FOXP2: variants seen among roughly 807,000 people sequenced by gnomAD.
FOXP2 encodes forkhead box P2, also known as forkhead box protein P2.
FOXP2 carries 12 observed loss-of-function variants against 115.8 expected under a neutral mutation model. The observed-to-expected ratio is 0.10, with a 90% CI of 0.07 to 0.17. The LOEUF is 0.17. Ranked by LOEUF, FOXP2 falls within the 10% of genes least tolerant of loss-of-function variation. The pLI, the probability that FOXP2 is intolerant of heterozygous loss-of-function variation, is 1.00. For missense variants in FOXP2, 629 were observed against 843.5 expected (o/e 0.75, Z 3.15); for synonymous variants, 328 against 297.7 (o/e 1.10, Z -1.05).
intron 2 of FOXP2, among the ~76,000 whole-genome samples, chr7:114,395,975 A>C (rs1435603951): frequency 1.3e-5 from 2 of 152,086 alleles, no homozygotes; most frequent in East Asian, 3.8e-4. Flanking sequence ...TAAATGGTAT[A>C]TCCATCAACT....
chr7:114,245,814 A>G (rs1033259505), intron 1 of FOXP2, among the ~76,000 whole-genome samples: 2 of 151,936 alleles, frequency 1.3e-5, no homozygotes, highest in African/African-American at 4.9e-5. Flanking sequence ...TTCAATTAAA[A>G]AGAACAGAAA....
intron 3 of FOXP2, among the ~76,000 whole-genome samples, chr7:114,540,247 C>T (rs1584870572): frequency 6.6e-6 from 1 of 152,042 alleles, no homozygotes; most frequent in African/African-American, 2.4e-5. Flanking sequence ...CACATATACA[C>T]TTCACACTCT....
At chr7:114,215,096 A>C (rs933602568) in intron 1 of FOXP2, among the ~76,000 whole-genome samples, 2 of 152,238 alleles carry the variant, frequency 1.3e-5, no homozygotes, top group South Asian at 2.1e-4. Flanking sequence ...GCACCTTATA[A>C]GGACTAAGTA....
At chr7:114,663,961 G>A (rs1310377290) in intron 15 of FOXP2, among the ~76,000 whole-genome samples, 2 of 152,104 alleles carry the variant, frequency 1.3e-5, no homozygotes, top group East Asian at 3.8e-4. Flanking sequence ...TTTTTAAAAA[G>A]CAGAGCAACT....
intron 1 of FOXP2, among the ~76,000 whole-genome samples, chr7:114,186,598 T>C (rs1198194432): frequency 6.6e-6 from 1 of 152,186 alleles, no homozygotes; most frequent in Non-Finnish European, 1.5e-5. Context: ...GGTTGGAGTC[T>C]TGTACCTGCA....
At position 114,426,496 on chromosome 7, in the gene FOXP2, T is replaced by A. The variant is rs765072897; in HGVS notation, c.-10-6T>A. The A allele has an allele frequency of 6.2e-7, 1 of 1,610,132 alleles. No individual in the cohort carries two copies. The highest frequency in any genetic ancestry group is 1.7e-5 in the Admixed American group (1 of 59,682). Reference sequence around the variant, plus strand: ...GTGTTAATTGATACTTCTTAATCACTTTTAGGTATTAAGTCATGATGCAGG... The same window carrying A: ...GTGTTAATTGATACTTCTTAATCACATTTAGGTATTAAGTCATGATGCAGG... On this transcript the variant is annotated splice_region_variant and splice_polypyrimidine_tract_variant and intron_variant, in intron 1 of 16. Transcript: ENST00000350908.
Position 114,550,263 on chromosome 7 carries a change from G to A in FOXP2, c.258+15557G>A, listed in dbSNP as rs966695122. Among the ~76,000 whole-genome samples the A allele has an allele frequency of 2.6e-5, 4 of 151,724 alleles. No individual in the cohort carries two copies. The South Asian group carries it at 8.4e-4, about 32-fold the overall frequency. ...CTCCTGAGTAGCTGGGACTACAGGC[G>A]CCCTCCACCACGCCCGGCTAATTTT... is the stretch of plus-strand genomic sequence containing the variant. On this transcript the variant is annotated intron_variant, in intron 3 of 16. Coordinates refer to ENST00000350908, the MANE Select transcript of FOXP2 (RefSeq NM_014491.4).
chr7:114,362,522 G>A (rs1199561891), intron 2 of FOXP2, among the ~76,000 whole-genome samples: 2 of 152,056 alleles, frequency 1.3e-5, no homozygotes, highest in African/African-American at 4.8e-5. Context: ...ACAAAAGTGG[G>A]TGATGCCTGA....
At chr7:114,591,410 T>A (rs1218286723) in intron 3 of FOXP2, among the ~76,000 whole-genome samples, 1 of 152,124 alleles carries the variant, frequency 6.6e-6, no homozygotes, top group Non-Finnish European at 1.5e-5. Context: ...AGTGGCAGGC[T>A]ATAGTTTTTA....
intron 1 of FOXP2, among the ~76,000 whole-genome samples, chr7:114,136,956 A>G (rs1007920682): frequency 6.6e-6 from 1 of 152,056 alleles, no homozygotes; most frequent in African/African-American, 2.4e-5. Flanking sequence ...ATATTTGCTA[A>G]AAGTGCTGAG....
intron 2 of FOXP2, among the ~76,000 whole-genome samples, chr7:114,364,943 A>G (rs1791842837): frequency 6.6e-6 from 1 of 152,176 alleles, no homozygotes; most frequent in South Asian, 2.1e-4. Flanking sequence ...AACCAGCACA[A>G]ATTAAATTAA....
At chr7:114,687,308 G>A (rs776004894) in intron 16 of FOXP2, among the ~76,000 whole-genome samples, 37 of 152,034 alleles carry the variant, frequency 2.4e-4, no homozygotes, top group Non-Finnish European at 3.8e-4. Context: ...TGCTAATGAC[G>A]TTATTTGCAT....
At chr7:114,685,421 A>G (rs1417992388) in intron 16 of FOXP2, among the ~76,000 whole-genome samples, 1 of 152,178 alleles carries the variant, frequency 6.6e-6, no homozygotes, top group Non-Finnish European at 1.5e-5. Context: ...TATATAAATA[A>G]TATAGTGCTT....
At chr7:114,614,785 A>G (rs1042843172) in intron 3 of FOXP2, among the ~76,000 whole-genome samples, 3 of 152,232 alleles carry the variant, frequency 2.0e-5, no homozygotes, top group Admixed American at 2.0e-4. Context: ...ATGTAGGAAT[A>G]ATCTGTCCAT....
chr7:114,158,766 A>G (rs1278358663), upstream of FOXP2, among the ~76,000 whole-genome samples: 6 of 152,160 alleles, frequency 3.9e-5, no homozygotes, highest in African/African-American at 1.4e-4. Context: ...CCAGTAACTG[A>G]TCACTTATTC....
At chr7:114,240,586 G>A (rs1795126854) in intron 1 of FOXP2, among the ~76,000 whole-genome samples, 1 of 151,254 alleles carries the variant, frequency 6.6e-6, no homozygotes, top group Non-Finnish European at 1.5e-5. Context: ...ATTGCTATGG[G>A]GATTGTTTCA....
intron 1 of FOXP2, among the ~76,000 whole-genome samples, chr7:114,244,796 G>C (rs1201583): frequency 0.67 from 101,674 of 151,598 alleles, 34,568 homozygotes; most frequent in Middle Eastern, 0.83. Flanking sequence ...GAGTCTCGCT[G>C]TGTGGCCCAG....
chr7:114,578,021 G>T (rs1050092803), intron 3 of FOXP2, among the ~76,000 whole-genome samples: 1 of 151,836 alleles, frequency 6.6e-6, no homozygotes, highest in East Asian at 1.9e-4. Flanking sequence ...AAAAGTTTAG[G>T]AATTCAATAT....
intron 2 of FOXP2, among the ~76,000 whole-genome samples, chr7:114,329,153 T>C (rs1474483478): frequency 1.3e-5 from 2 of 152,136 alleles, no homozygotes; most frequent in Middle Eastern, 3.2e-3. Flanking sequence ...TTTTGAAAAA[T>C]AAATAATTTG....
Sources: gnomAD v4.1 joint callset for allele counts (sites outside exome capture counted in the v4.1 genomes callset) on GRCh38, gnomAD v4.1.1 for gene constraint, MANE v1.5 for transcripts, NCBI Gene and HGNC (gene_info 2026-07-23, HGNC 2026-07-21) for gene names.